TENM4: variants seen among roughly 807,000 people sequenced by gnomAD.
TENM4 encodes teneurin transmembrane protein 4, also known as teneurin-4.
TENM4 carries 82 observed loss-of-function variants against 243.3 expected under a neutral mutation model. The observed-to-expected ratio is 0.34, with a 90% CI of 0.28 to 0.40. TENM4 has a LOEUF of 0.40. TENM4 is among the 10% of genes least tolerant of loss of function. The pLI is 1.00. For missense variants in TENM4, 3,138 were observed against 3,673.3 expected, an observed-to-expected ratio of 0.85 and a Z score of 3.77; for synonymous variants, 1,412 against 1,456.3, an observed-to-expected ratio of 0.97 and a Z score of 0.69.
intron 3 of TENM4, among the ~76,000 whole-genome samples, chr11:79,200,192 G>A (rs1400000409): frequency 6.6e-6 from 1 of 152,184 alleles, no homozygotes; most frequent in African/African-American, 2.4e-5. Context: ...GCCAACGCAG[G>A]CCTCTTTCAA....
At chr11:79,389,749 C>T (rs1039432298) in intron 1 of TENM4, among the ~76,000 whole-genome samples, 1 of 152,200 alleles carries the variant, frequency 6.6e-6, no homozygotes, top group Non-Finnish European at 1.5e-5. Flanking sequence ...AAAAGAAGTT[C>T]CATTTCTCCC....
At position 79,152,706 on chromosome 11, in the gene TENM4, C is replaced by A. The variant is rs150734989; in HGVS notation, c.-162-3900G>T. Among the ~76,000 whole-genome samples, 1,309 of 152,312 alleles carry A rather than the reference C, an allele frequency of 8.6e-3. 18 individuals are homozygous for A. Among genetic ancestry groups the A allele is most frequent in the African/African-American group, 0.031 (1,268 of 41,572 alleles). On this transcript the variant is annotated intron_variant, in intron 3 of 33. Coordinates refer to ENST00000278550, the MANE Select transcript of TENM4 (RefSeq NM_001098816.3). The stretch of plus-strand genomic sequence containing the variant: ...ACAGTGTTTGTGCTGGCTGGCAGCC[C>A]TCTACTGATGTCCAATGGATATGCA...
chr11:79,020,954 A>T (rs147987338), intron 6 of TENM4, among the ~76,000 whole-genome samples: 7 of 152,316 alleles, frequency 4.6e-5, no homozygotes, highest in Admixed American at 3.9e-4. Flanking sequence ...CTGCAGCTGC[A>T]CACCTAATAG....
chr11:79,163,888 T>TATATATGG lies in TENM4; in HGVS notation c.-162-15090_-162-15083dup, dbSNP rs1287113130. On this transcript the variant is annotated intron_variant, in intron 3 of 33. Coordinates refer to ENST00000278550, the MANE Select transcript of TENM4 (RefSeq NM_001098816.3). Reference sequence around the variant, plus strand: ...TATATACACATATATGTACATATATTATATATGGATATATATCGTATATAG... The same window carrying TATATATGG: ...TATATACACATATATGTACATATATTATATATGGATATATGGATATATATCGTATATAG... Among the ~76,000 whole-genome samples, 4 of 144,166 alleles carry TATATATGG rather than the reference T, an allele frequency of 2.8e-5. No homozygotes were observed. In the East Asian group the frequency reaches 8.0e-4, roughly 29 times the overall value. 94.6% of individuals were successfully genotyped at this position (144,166 alleles called of 152,430 possible). A position where few individuals can be genotyped will look rare whatever the true frequency, so the allele number is the denominator to read the frequency against.
intron 6 of TENM4, among the ~76,000 whole-genome samples, chr11:78,916,136 A>G (rs1198299013): frequency 6.6e-6 from 1 of 152,234 alleles, no homozygotes; most frequent in African/African-American, 2.4e-5. Context: ...CAAATGGAAC[A>G]AAGTTTGAAA....
At chr11:79,302,210 G>A (rs1175300579) in intron 1 of TENM4, among the ~76,000 whole-genome samples, 1 of 152,134 alleles carries the variant, frequency 6.6e-6, no homozygotes, top group African/African-American at 2.4e-5. Flanking sequence ...ATTAACACAG[G>A]TCTTCACACA....
intron 13 of TENM4, among the ~76,000 whole-genome samples, chr11:78,812,523 T>G (rs1357230151): frequency 6.6e-6 from 1 of 152,234 alleles, no homozygotes; most frequent in African/African-American, 2.4e-5. Context: ...TAGTGCACAG[T>G]GCAGGGCCTG....
At chr11:78,750,863 G>A (rs1057275930) in intron 19 of TENM4, among the ~76,000 whole-genome samples, 2 of 151,774 alleles carry the variant, frequency 1.3e-5, no homozygotes, top group African/African-American at 4.8e-5. Flanking sequence ...GTGTGTGTGT[G>A]TGTGTGTGTG....
intron 1 of TENM4, among the ~76,000 whole-genome samples, chr11:79,419,369 G>A (rs1858883686): frequency 6.6e-6 from 1 of 152,152 alleles, no homozygotes; most frequent in African/African-American, 2.4e-5. Flanking sequence ...CACACCCACA[G>A]GTAAGAGGTC....
chr11:78,982,462 C>G (rs631668), intron 6 of TENM4, among the ~76,000 whole-genome samples: 133,663 of 152,080 alleles, frequency 0.88, 59,401 homozygotes, highest in African/African-American at 0.97. Context: ...TGATTGACAA[C>G]TGGCTGACAC....
At chr11:78,865,732 G>A (rs1399413558) in intron 9 of TENM4, among the ~76,000 whole-genome samples, 2 of 152,106 alleles carry the variant, frequency 1.3e-5, no homozygotes, top group Non-Finnish European at 2.9e-5. Context: ...GGCCACGCTC[G>A]GGTGAAAGCA....
chr11:78,875,105 C>A (rs1190664106), intron 9 of TENM4, among the ~76,000 whole-genome samples: 2 of 152,226 alleles, frequency 1.3e-5, no homozygotes, highest in Non-Finnish European at 2.9e-5. Flanking sequence ...AGTCCTGAAG[C>A]ACTTTGGGTG....
At chr11:78,896,012 T>C (rs946921863) in intron 7 of TENM4, among the ~76,000 whole-genome samples, 2 of 152,112 alleles carry the variant, frequency 1.3e-5, no homozygotes, top group Admixed American at 6.5e-5. Context: ...GGGCTCCCAG[T>C]CCCATGTGTC....
At position 78,958,528 on chromosome 11, in the gene TENM4, C is replaced by T. The variant is rs576826736; in HGVS notation, c.494-55005G>A. Among the ~76,000 whole-genome samples the T allele has an allele frequency of 7.2e-4, 110 of 152,324 alleles. 2 individuals carry two copies. The South Asian group carries it at 0.022, about 31-fold the overall frequency. ...ATTTTGATAAGAGAAAAAGCTACTT[C>T]CCCTGTTTTCTTCTCCACAGGGACA... On this transcript the variant is annotated intron_variant, in intron 6 of 33. Transcript: ENST00000278550.
intron 1 of TENM4, among the ~76,000 whole-genome samples, chr11:79,437,453 G>C (rs61884090): frequency 1.3e-5 from 2 of 152,048 alleles, no homozygotes; most frequent in Non-Finnish European, 2.9e-5. Flanking sequence ...GCCGCGCGGC[G>C]CTTGCGGCTG....
At chr11:79,032,801 G>A (rs982440855) in intron 6 of TENM4, among the ~76,000 whole-genome samples, 7 of 152,268 alleles carry the variant, frequency 4.6e-5, no homozygotes, top group South Asian at 4.1e-4. Context: ...AAGGAAAGGC[G>A]ATACTAATAA....
intron 4 of TENM4, among the ~76,000 whole-genome samples, chr11:79,135,336 A>G (rs924151743): frequency 6.7e-6 from 1 of 148,818 alleles, no homozygotes; most frequent in Non-Finnish European, 1.5e-5. Context: ...ATCAAAAAAT[A>G]AAAAAAAAAC....
Position 78,785,068 on chromosome 11 carries a change from G to T in TENM4, c.2365+1830C>A, listed in dbSNP as rs201538369. ...GTTTCTGTTTTTGTTTTTTTTTTTT[G>T]TTTTTGTTTTTTAGATAGGTGTGGG... is the stretch of plus-strand genomic sequence containing the variant. On this transcript the variant is annotated intron_variant, in intron 16 of 33. Coordinates refer to ENST00000278550, the MANE Select transcript of TENM4 (RefSeq NM_001098816.3). Among the ~76,000 whole-genome samples the T allele has an allele frequency of 8.1e-4, 117 of 144,164 alleles. 1 individual carries two copies. In the South Asian group the frequency reaches 0.012, roughly 15 times the overall value. The allele number at this position is 144,164 out of a possible 152,430, so 94.6% of individuals were successfully genotyped here.
Position 78,805,281 on chromosome 11 carries a change from C to CACCCCCCCCCCCCCCCCCCCCCCT in TENM4, c.2179+10_2179+11insAGGGGGGGGGGGGGGGGGGGGGGT. ...TCCCTCTACCCATGCTTCTTCTCCCCCTGCATTTACCGATAGAACAGTCGT... is the reference window on the plus strand; with the variant it reads ...TCCCTCTACCCATGCTTCTTCTCCCCACCCCCCCCCCCCCCCCCCCCCCTCTGCATTTACCGATAGAACAGTCGT... On this transcript the variant is annotated intron_variant, in intron 15 of 33. Transcript: ENST00000278550. 1 of 1,488,492 alleles carries CACCCCCCCCCCCCCCCCCCCCCCT rather than the reference C, an allele frequency of 6.7e-7. No homozygotes were observed. The highest frequency in any genetic ancestry group is 1.9e-5 in the Admixed American group (1 of 53,496). 92.2% of individuals were successfully genotyped at this position (1,488,492 alleles called of 1,614,324 possible). A position where few individuals can be genotyped will look rare whatever the true frequency, so the allele number is the denominator to read the frequency against.
Sources: gnomAD v4.1 joint callset for allele counts (sites outside exome capture counted in the v4.1 genomes callset) on GRCh38, gnomAD v4.1.1 for gene constraint, MANE v1.5 for transcripts, NCBI Gene and HGNC (gene_info 2026-07-23, HGNC 2026-07-21) for gene names.